PPP4R2: variants seen among roughly 807,000 people sequenced by gnomAD.
The protein encoded by PPP4R2 is protein phosphatase 4 regulatory subunit 2, also known as serine/threonine-protein phosphatase 4 regulatory subunit 2.
A neutral mutation model predicts 47.2 loss-of-function variants in PPP4R2; 13 were observed. The observed-to-expected ratio is 0.28, with a 90% CI of 0.18 to 0.44. The LOEUF is 0.44. PPP4R2 is among the 20% of genes least tolerant of loss of function. The pLI is 1.00. For missense variants in PPP4R2, 421 were observed against 491.2 expected, an observed-to-expected ratio of 0.86 and a Z score of 1.35; for synonymous variants, 151 against 163.3, an observed-to-expected ratio of 0.92 and a Z score of 0.57.
rs545904533 is a variant in PPP4R2, at chr3:73,053,033, A to G, written c.287+5677A>G. ...CTTTACGGTTAGCTCCAGATGATTC[A>G]GGGACTGAGAGAATGGGTCCTTAGC... On this transcript the variant is annotated intron_variant, in intron 3 of 8. Transcript: ENST00000356692. Among the ~76,000 whole-genome samples the G allele has an allele frequency of 4.6e-5, 7 of 152,352 alleles. No individual in the cohort carries two copies. In the South Asian group the frequency reaches 1.5e-3, roughly 32 times the overall value.
chr3:73,001,436 C>T (rs551948975), intron 2 of PPP4R2, among the ~76,000 whole-genome samples: 1 of 150,642 alleles, frequency 6.6e-6, no homozygotes, highest in South Asian at 2.1e-4. Flanking sequence ...TGGTGGCATG[C>T]GCCTGTAGTC....
intron 1 of PPP4R2, among the ~76,000 whole-genome samples, chr3:72,997,583 C>T (rs188562609): frequency 3.3e-5 from 5 of 152,308 alleles, no homozygotes; most frequent in African/African-American, 1.2e-4. Flanking sequence ...GATTGCACGC[C>T]TTCCACGCAA....
chr3:73,062,452 CAAGTT>C (rs1329922137), intron 5 of PPP4R2: 2 of 1,612,006 alleles, frequency 1.2e-6, no homozygotes, highest in Non-Finnish European at 1.7e-6. Flanking sequence ...CCTGTGACCC[CAAGTT>C]TAGTATTCTT....
intron 2 of PPP4R2, among the ~76,000 whole-genome samples, chr3:73,041,452 CAT>C (rs1701531034): frequency 6.6e-6 from 1 of 152,222 alleles, no homozygotes; most frequent in African/African-American, 2.4e-5. Flanking sequence ...TTGCCTCAGT[CAT>C]ATAATTAAGA....
intron 3 of PPP4R2, among the ~76,000 whole-genome samples, chr3:73,047,829 C>A (rs1331876022): frequency 1.3e-5 from 2 of 152,096 alleles, no homozygotes; most frequent in Non-Finnish European, 2.9e-5. Flanking sequence ...ACATTAAAAA[C>A]ACTAAAAAGA....
chr3:73,040,032 A>G (rs113805287), intron 2 of PPP4R2, among the ~76,000 whole-genome samples: 42 of 152,296 alleles, frequency 2.8e-4, no homozygotes, highest in African/African-American at 9.4e-4. Context: ...AGCCTGGGCG[A>G]CAAGAGTGAA....
chr3:73,042,372 T>A (rs1702397806), intron 2 of PPP4R2, among the ~76,000 whole-genome samples: 2 of 144,640 alleles, frequency 1.4e-5, no homozygotes, highest in Non-Finnish European at 3.0e-5. Flanking sequence ...TTTTTTTTTT[T>A]TTTTTTTTTT....
chr3:73,063,908 C>T, intron 6 of PPP4R2, 95 bp from the exon 7 acceptor site: 1 of 1,259,968 alleles, frequency 7.9e-7, no homozygotes, highest in Non-Finnish European at 1.1e-6. Context: ...AACAAAGTTG[C>T]AGCAAATACT....
In PPP4R2 at chr3:73,047,506, C is replaced by T. The variant is rs898216831; in HGVS notation, c.287+150C>T. On this transcript the variant is annotated intron_variant, in intron 3 of 8. Transcript: ENST00000356692. ...ACATGTAGTAGTTGATGATTTTTAG[C>T]TTACAACTATTTAAAATATTTGTAG... 3 of 524,438 alleles carry T rather than the reference C, an allele frequency of 5.7e-6. No homozygotes were observed. The East Asian group carries it at 1.0e-4, about 18-fold the overall frequency. 32.5% of individuals were successfully genotyped at this position (524,438 alleles called of 1,614,324 possible).
chr3:73,001,399 C>CA (rs1330479038), intron 2 of PPP4R2, among the ~76,000 whole-genome samples: 1 of 151,840 alleles, frequency 6.6e-6, no homozygotes, highest in African/African-American at 2.4e-5. Flanking sequence ...CCCGTCTTTA[C>CA]AAAAAATATA....
chr3:73,030,387 T>C (rs1158618296), intron 2 of PPP4R2, among the ~76,000 whole-genome samples: 1 of 152,116 alleles, frequency 6.6e-6, no homozygotes, highest in Non-Finnish European at 1.5e-5. Context: ...GTTTTATAAG[T>C]GCAACAAGAA....
intron 4 of PPP4R2, among the ~76,000 whole-genome samples, chr3:73,059,859 T>C (rs1702809252): frequency 6.7e-6 from 1 of 148,494 alleles, no homozygotes; most frequent in Non-Finnish European, 1.5e-5. Context: ...TGCTAGAACC[T>C]GGGAGACGGA....
At chr3:73,030,021 A>C (rs1702139297) in intron 2 of PPP4R2, among the ~76,000 whole-genome samples, 1 of 152,228 alleles carries the variant, frequency 6.6e-6, no homozygotes, top group African/African-American at 2.4e-5. Flanking sequence ...GGAGGGAGAC[A>C]GCTGTTTTAA....
intron 2 of PPP4R2, among the ~76,000 whole-genome samples, chr3:73,030,018 G>A (rs550119099): frequency 3.9e-5 from 6 of 152,240 alleles, no homozygotes; most frequent in South Asian, 2.1e-4. Context: ...ATGGGAGGGA[G>A]ACAGCTGTTT....
At chr3:73,047,683 T>G (rs1037166400) in intron 3 of PPP4R2, among the ~76,000 whole-genome samples, 1 of 152,226 alleles carries the variant, frequency 6.6e-6, no homozygotes, top group African/African-American at 2.4e-5. Flanking sequence ...GAAATCACAT[T>G]TCTTTTAAAA....
At chr3:73,000,802 A>G (rs1276342264) in intron 2 of PPP4R2, among the ~76,000 whole-genome samples, 3 of 152,228 alleles carry the variant, frequency 2.0e-5, no homozygotes, top group Non-Finnish European at 4.4e-5. Context: ...AGTTTCTGAC[A>G]TCATGCTAAA....
intron 2 of PPP4R2, among the ~76,000 whole-genome samples, chr3:73,019,191 A>G (rs1388306724): frequency 6.6e-6 from 1 of 152,194 alleles, no homozygotes; most frequent in East Asian, 1.9e-4. Flanking sequence ...TAAGCCATAT[A>G]CCATATAGTC....
Position 73,061,996 on chromosome 3 carries a change from G to A in PPP4R2, c.419+936G>A, listed in dbSNP as rs11918714. On this transcript the variant is annotated intron_variant, in intron 5 of 8. Coordinates refer to ENST00000356692, the MANE Select transcript of PPP4R2 (RefSeq NM_174907.4). ...ACATGATAAAAATTTCTTTTATGAA[G>A]CAAAATATGTTTTGTTTTGCTCATG... is the stretch of plus-strand genomic sequence containing the variant. 1,137 of 989,244 alleles carry A rather than the reference G, an allele frequency of 1.1e-3. 15 individuals carry two copies. In the African/African-American group the frequency reaches 0.017, roughly 15 times the overall value. 61.3% of individuals were successfully genotyped at this position (989,244 alleles called of 1,614,324 possible).
intron 2 of PPP4R2, among the ~76,000 whole-genome samples, chr3:73,037,733 A>G (rs1702294384): frequency 6.6e-6 from 1 of 152,226 alleles, no homozygotes; most frequent in African/African-American, 2.4e-5. Context: ...GGTTCAGCTT[A>G]AAGTTCCAAC....
Sources: gnomAD v4.1 joint callset for allele counts (sites outside exome capture counted in the v4.1 genomes callset) on GRCh38, gnomAD v4.1.1 for gene constraint, MANE v1.5 for transcripts, NCBI Gene and HGNC (gene_info 2026-07-23, HGNC 2026-07-21) for gene names.